Variants in TMEM255B observed in about 807,000 individuals in gnomAD.
The protein encoded by TMEM255B is transmembrane protein 255B.
A neutral mutation model predicts 34.5 loss-of-function variants in TMEM255B; 35 were observed. The ratio of observed to expected loss-of-function variants is 1.01; its 90% CI spans 0.77 to 1.34. The LOEUF (loss-of-function observed/expected upper bound fraction) is 1.34. Among genes scored for constraint, TMEM255B ranks in the 40% most tolerant of loss-of-function variants. The pLI, the probability that TMEM255B is intolerant of heterozygous loss-of-function variation, is 0.00. For missense variants in TMEM255B, 432 were observed against 433.2 expected, an observed-to-expected ratio of 1.00 and a Z score of 0.02; for synonymous variants, 206 against 201.2, an observed-to-expected ratio of 1.02 and a Z score of -0.20.
intron 4 of TMEM255B, 66 bp from the exon 5 acceptor site, chr13:113,799,273 T>C (rs2050997518): frequency 1.3e-6 from 2 of 1,508,136 alleles, no homozygotes; most frequent in Non-Finnish European, 1.8e-6. Context: ...AGGCCTGAAA[T>C]TGCCTCTGGC....
At position 113,801,701 on chromosome 13, in the gene TMEM255B, C is replaced by T. The variant is rs760208856; in HGVS notation, c.558C>T (p.Cys186=). Residue 186 remains cysteine, a synonymous_variant, in exon 7 of 9, where the codon TGC becomes TGT. Coordinates refer to ENST00000375353, the MANE Select transcript of TMEM255B (RefSeq NM_182614.4). ...ATGAGTTCATCGGCGTCAGCGGCTGCCAGGACGTGCTGCACCTGTACCGCC... is the reference window on the plus strand; with the variant it reads ...ATGAGTTCATCGGCGTCAGCGGCTGTCAGGACGTGCTGCACCTGTACCGCC... ...AYYEFIGVSG[C]QDVLHLYRLL... is the part of the protein sequence containing the mutation. The T allele has an allele frequency of 6.2e-7, 1 of 1,611,736 alleles. No homozygotes were observed. Among genetic ancestry groups the T allele is most frequent in the South Asian group, 1.1e-5 (1 of 90,884 alleles).
intron 3 of TMEM255B, among the ~76,000 whole-genome samples, chr13:113,791,507 G>C (rs886802359): frequency 6.6e-6 from 1 of 152,186 alleles, no homozygotes; most frequent in Non-Finnish European, 1.5e-5. Flanking sequence ...GAGCGACGTC[G>C]TGTGGACAGA....
At chr13:113,794,053 T>C (rs1436984439) in intron 3 of TMEM255B, among the ~76,000 whole-genome samples, 1 of 152,152 alleles carries the variant, frequency 6.6e-6, no homozygotes, top group African/African-American at 2.4e-5. Context: ...CGGGTGACGA[T>C]AGGTGTGCAG....
In TMEM255B at chr13:113,805,630, C is replaced by T. The variant is rs572099537; in HGVS notation, c.813+602C>T. On this transcript the variant is annotated intron_variant, in intron 8 of 8. Transcript: ENST00000375353. ...ACAGACCGGGCCACGTTTCTTACCT[C>T]GGCACTGTAGGCATTCAGGGCTGGC... is the stretch of plus-strand genomic sequence containing the variant. 2.4e-4 allele frequency among the ~76,000 whole-genome samples: 37 copies of T among 152,330 alleles called. No individual in the cohort carries two copies. In the South Asian group the frequency reaches 5.6e-3, roughly 23 times the overall value.
chr13:113,800,549 C>T (rs563710867), intron 5 of TMEM255B, among the ~76,000 whole-genome samples: 229 of 152,258 alleles, frequency 1.5e-3, no homozygotes, highest in Admixed American at 3.7e-3. Flanking sequence ...TGATATTTCC[C>T]TCTGCTCCTG....
At chr13:113,799,244 C>A in intron 4 of TMEM255B, 95 bp from the exon 5 acceptor site, 1 of 1,182,378 alleles carries the variant, frequency 8.5e-7, no homozygotes, top group Non-Finnish European at 1.2e-6. Context: ...GTCCTTGAGG[C>A]CCTGAGCCTG....
intron 8 of TMEM255B, among the ~76,000 whole-genome samples, chr13:113,807,457 T>C (rs1456631509): frequency 9.0e-5 from 11 of 121,958 alleles, no homozygotes; most frequent in African/African-American, 3.3e-4. Context: ...GCTTACGGGA[T>C]GTGGGGGTGG....
Position 113,812,097 on chromosome 13 carries a change from A to C in TMEM255B, c.*194A>C. On this transcript the variant is annotated 3_prime_UTR_variant, in exon 9 of 9. Transcript: ENST00000375353. ...GCAGGGAGTGGGGCCCTCCAGACCC[A>C]GGCTGGTGACACCTTGGCTTGGGCT... 1 of 684,262 alleles carries C rather than the reference A, an allele frequency of 1.5e-6. No homozygotes were observed. The highest frequency in any genetic ancestry group is 2.4e-6 in the Non-Finnish European group (1 of 420,684). 42.4% of individuals were successfully genotyped at this position (684,262 alleles called of 1,614,324 possible).
rs563864865 is a variant in TMEM255B at position 113,812,964 on chromosome 13, C to G, written c.*1061C>G. 1.9e-5 allele frequency: 2 copies of G among 106,076 alleles called. No individual in the cohort carries two copies. The highest frequency in any genetic ancestry group is 3.6e-5 in the Non-Finnish European group (2 of 56,220). 6.6% of individuals were successfully genotyped at this position (106,076 alleles called of 1,614,324 possible). ...TCACGGGTCCCGGGTGGGTCACGGGCCCCGGGTGGGTCACGGGTCCCGGGT... is the reference window on the plus strand; with the variant it reads ...TCACGGGTCCCGGGTGGGTCACGGGGCCCGGGTGGGTCACGGGTCCCGGGT... On this transcript the variant is annotated 3_prime_UTR_variant, in exon 9 of 9. Coordinates refer to ENST00000375353, the MANE Select transcript of TMEM255B (RefSeq NM_182614.4).
At chr13:113,772,630 T>A (rs998492286) in intron 3 of TMEM255B, among the ~76,000 whole-genome samples, 2 of 152,254 alleles carry the variant, frequency 1.3e-5, no homozygotes, top group East Asian at 3.8e-4. Context: ...TTTACGGACA[T>A]CCAGTTGTCC....
rs1307411034 is a variant in TMEM255B, at chr13:113,806,691, C to A, written c.813+1663C>A. Among the ~76,000 whole-genome samples the A allele has an allele frequency of 6.6e-6, 1 of 152,180 alleles. No individual in the cohort carries two copies. The highest frequency in any genetic ancestry group is 6.5e-5 in the Admixed American group (1 of 15,282). ...TTCATCCTTCCCCAAGCCTCCTGCCCCTGCCCCAGGGACGTCCCCATCATG... is the reference window on the plus strand; with the variant it reads ...TTCATCCTTCCCCAAGCCTCCTGCCACTGCCCCAGGGACGTCCCCATCATG... On this transcript the variant is annotated intron_variant, in intron 8 of 8. Coordinates refer to ENST00000375353, the MANE Select transcript of TMEM255B (RefSeq NM_182614.4). This position sits in a 1 kb window ranked among gnomAD's most constrained non-coding sequence, Gnocchi z 4.2.
At chr13:113,782,331 A>T (rs1023701512) in intron 3 of TMEM255B, among the ~76,000 whole-genome samples, 3 of 152,242 alleles carry the variant, frequency 2.0e-5, no homozygotes, top group Non-Finnish European at 4.4e-5. Context: ...CTAAATAATG[A>T]AATAGCTGTA....
chr13:113,777,762 G>A (rs868029935), intron 3 of TMEM255B, among the ~76,000 whole-genome samples: 17 of 152,212 alleles, frequency 1.1e-4, no homozygotes, highest in African/African-American at 2.9e-4. Flanking sequence ...CGAGGGCGGC[G>A]CTTCCTGCCA....
In TMEM255B at chr13:113,779,768, G is replaced by A. The variant is rs114496163; in HGVS notation, c.252+10608G>A. On this transcript the variant is annotated intron_variant, in intron 3 of 8. Transcript: ENST00000375353. The stretch of plus-strand genomic sequence containing the variant: ...ATTGAAAACATTATTTTGGAGACTC[G>A]TAGCCAGAAAAATTAGAATTTAATC... Among the ~76,000 whole-genome samples, 379 of 152,294 alleles carry A rather than the reference G, an allele frequency of 2.5e-3. 2 individuals are homozygous for A. The highest frequency in any genetic ancestry group is 0.01 in the East Asian group (54 of 5,190).
chr13:113,782,552 G>A (rs370066920), intron 3 of TMEM255B, among the ~76,000 whole-genome samples: 20 of 152,282 alleles, frequency 1.3e-4, no homozygotes, highest in Admixed American at 5.2e-4. Flanking sequence ...CTGGCCTACC[G>A]GATACCGTCC....
chr13:113,800,768 G>A, intron 5 of TMEM255B, 59 bp from the exon 6 acceptor site: 2 of 1,513,408 alleles, frequency 1.3e-6, no homozygotes, highest in Non-Finnish European at 1.8e-6. Flanking sequence ...CCTGCCCTTG[G>A]TGGGGTGGGT....
At chr13:113,801,113 C>A (rs1024285175) in intron 6 of TMEM255B, among the ~76,000 whole-genome samples, 6 of 152,198 alleles carry the variant, frequency 3.9e-5, no homozygotes, top group Admixed American at 6.5e-5. Flanking sequence ...TCACCCCCCC[C>A]ACACCCCTGC....
Position 113,815,829 on chromosome 13 carries a change from A to G in TMEM255B, c.*3926A>G, listed in dbSNP as rs1402410607. On this transcript the variant is annotated 3_prime_UTR_variant, in exon 9 of 9. Transcript: ENST00000375353. Reference sequence around the variant, plus strand: ...GAGGGAGAGGACGTGGCCCATCCACACGCGGGTCACCCGGCCACGGAGAGG... The same window carrying G: ...GAGGGAGAGGACGTGGCCCATCCACGCGCGGGTCACCCGGCCACGGAGAGG... 6.5e-6 allele frequency: 1 copy of G among 153,670 alleles called. No homozygotes were observed. Among genetic ancestry groups the G allele is most frequent in the Admixed American group, 6.5e-5 (1 of 15,290 alleles). The allele number at this position is 153,670 out of a possible 1,614,324, so 9.5% of individuals were successfully genotyped here.
chr13:113,768,752 G>C, intron 2 of TMEM255B: 1 of 433,302 alleles, frequency 2.3e-6, no homozygotes, highest in Non-Finnish European at 4.6e-6. Flanking sequence ...CTCAGGCCTG[G>C]AGAAGACGGG....
Sources: allele counts gnomAD v4.1 joint callset (sites outside exome capture counted in the v4.1 genomes callset), GRCh38; gene constraint gnomAD v4.1.1; non-coding constraint Gnocchi (gnomAD v3.1); transcripts MANE v1.5; gene names NCBI Gene and HGNC (gene_info 2026-07-23, HGNC 2026-07-21).